ASB7: variants seen among roughly 807,000 people sequenced by gnomAD.
The protein encoded by ASB7 is ankyrin repeat and SOCS box containing 7.
In ASB7, 4 loss-of-function variants were observed where a neutral mutation model predicts 32.5. The observed-to-expected ratio is 0.12, with a 90% CI of 0.06 to 0.28. The LOEUF is 0.28. Ranked by LOEUF, ASB7 falls within the 10% of genes least tolerant of loss-of-function variation. ASB7 has a pLI of 1.00. For synonymous variants in ASB7, 172 were observed against 155.6 expected (o/e 1.11, Z -0.78); for missense variants, 181 against 407.1 (o/e 0.44, Z 4.78).
In ASB7 at chr15:100,602,879, C is replaced by T. The variant is rs2039565629; in HGVS notation, c.-440C>T. ...GCTGCCCGGCGGCCGGGATCGCCAC[C>T]TCCTGCCTTCTCGGCTGTTCGGATG... is the stretch of plus-strand genomic sequence containing the variant. On this transcript the variant is annotated 5_prime_UTR_variant, in exon 1 of 6. Coordinates refer to ENST00000332783, the MANE Select transcript of ASB7 (RefSeq NM_198243.3). The T allele has an allele frequency of 5.0e-6, 2 of 397,400 alleles. No individual in the cohort carries two copies. The highest frequency in any genetic ancestry group is 4.4e-6 in the Non-Finnish European group (1 of 225,660). 24.6% of individuals were successfully genotyped at this position (397,400 alleles called of 1,614,324 possible).
intron 3 of ASB7, 121 bp downstream of exon 3, chr15:100,609,949 GGTTT>G (rs1032278589): frequency 6.6e-6 from 1 of 152,132 alleles, no homozygotes; most frequent in Non-Finnish European, 1.5e-5. Context: ...AGAAAACCCA[GGTTT>G]GTTTTGATAT....
chr15:100,627,660 T>A (rs1431386781), intron 4 of ASB7, among the ~76,000 whole-genome samples: 1 of 152,200 alleles, frequency 6.6e-6, no homozygotes, highest in Non-Finnish European at 1.5e-5. Flanking sequence ...TTTTGTAACA[T>A]AATTTTAATT....
At chr15:100,630,210 T>A in intron 5 of ASB7, 168 bp downstream of exon 5, 1 of 1,324,110 alleles carries the variant, frequency 7.6e-7, no homozygotes, top group South Asian at 1.9e-5. Context: ...TTTGACTGTA[T>A]CACAAGATTT....
chr15:100,623,912 T>C (rs1293529079), intron 4 of ASB7, among the ~76,000 whole-genome samples: 1 of 152,232 alleles, frequency 6.6e-6, no homozygotes, highest in Non-Finnish European at 1.5e-5. Flanking sequence ...ACAGCACTAT[T>C]CACAATAGCA....
chr15:100,651,210 T>G lies in ASB7; in HGVS notation c.*2748T>G, dbSNP rs1375208470. 2 of 150,754 alleles carry G rather than the reference T, an allele frequency of 1.3e-5. No homozygotes were observed. The highest frequency in any genetic ancestry group is 2.5e-5 in the African/African-American group (1 of 40,598). The allele number at this position is 150,754 out of a possible 1,614,324, so 9.3% of individuals were successfully genotyped here. ...ACAAGGTTTTGTGTTTTTTTTTTTT[T>G]GTAAATATTTGTGTTTATAAATGTA... On this transcript the variant is annotated 3_prime_UTR_variant, in exon 6 of 6. Coordinates refer to ENST00000332783, the MANE Select transcript of ASB7 (RefSeq NM_198243.3).
chr15:100,639,437 CT>C (rs201600289), intron 5 of ASB7, among the ~76,000 whole-genome samples: 1 of 151,292 alleles, frequency 6.6e-6, no homozygotes, highest in Non-Finnish European at 1.5e-5. Flanking sequence ...ATCACGACTC[CT>C]TTTTTTTTAA....
chr15:100,616,474 T>C (rs1270297978), intron 4 of ASB7, among the ~76,000 whole-genome samples: 1 of 152,208 alleles, frequency 6.6e-6, no homozygotes, highest in Non-Finnish European at 1.5e-5. Flanking sequence ...TTATGGTATT[T>C]AGCTTTTTAA....
chr15:100,645,714 T>G, intron 5 of ASB7: 2 of 1,575,836 alleles, frequency 1.3e-6, no homozygotes, highest in Non-Finnish European at 1.7e-6. Context: ...TCCCACAGTC[T>G]GATATGCCTA....
intron 4 of ASB7, among the ~76,000 whole-genome samples, chr15:100,613,337 G>A (rs1027967085): frequency 7.9e-5 from 12 of 152,242 alleles, no homozygotes; most frequent in African/African-American, 2.7e-4. Context: ...GAATTCTTAT[G>A]AGGGTCATGT....
chr15:100,643,426 T>C (rs2039974337), intron 5 of ASB7, among the ~76,000 whole-genome samples: 1 of 149,208 alleles, frequency 6.7e-6, no homozygotes, highest in Non-Finnish European at 1.5e-5. Context: ...ACAAAACAAA[T>C]CCATATCAGC....
At position 100,629,507 on chromosome 15, in the gene ASB7, C is replaced by T. The variant is rs573539531; in HGVS notation, c.282C>T (p.Ala94=). The part of the protein sequence containing the change: ...ALHYAAMHGR[A]RIARLMLESE... ...ACTATGCAGCCATGCATGGCCGGGCCCGCATTGCACGCTTGATGTTAGAAT... is the reference window on the plus strand; with the variant it reads ...ACTATGCAGCCATGCATGGCCGGGCTCGCATTGCACGCTTGATGTTAGAAT... Residue 94 remains alanine (A), a synonymous_variant, in exon 5 of 6, where the codon GCC becomes GCT. Transcript: ENST00000332783. The surrounding 1 kb of genome is among the most constrained non-coding windows in gnomAD (Gnocchi z 6.8). 6.2e-7 allele frequency: 1 copy of T among 1,613,928 alleles called. No individual in the cohort carries two copies. The highest frequency in any genetic ancestry group is 1.3e-5 in the African/African-American group (1 of 75,036).
Position 100,612,276 on chromosome 15 carries a change from C to G in ASB7, c.60C>G (p.Ala20=), listed in dbSNP as rs898603926. 9 of 1,614,010 alleles carry G rather than the reference C, an allele frequency of 5.6e-6. No homozygotes were observed. The highest frequency in any genetic ancestry group is 3.3e-5 in the Admixed American group (2 of 60,006). Reference sequence around the variant, plus strand: ...TCCAGGAAGAGTTGCAGATTCAGGCCGCGGTGGCTGCTGGGGATGTCCACA... The same window carrying G: ...TCCAGGAAGAGTTGCAGATTCAGGCGGCGGTGGCTGCTGGGGATGTCCACA... The part of the protein sequence containing the change: ...PELQEELQIQ[A]AVAAGDVHTV... The change falls in exon 4 of 6, where the codon GCC becomes GCG. Residue 20 remains alanine (A), a synonymous_variant. Coordinates refer to ENST00000332783, the MANE Select transcript of ASB7 (RefSeq NM_198243.3).
chr15:100,627,803 G>A (rs143524544), intron 4 of ASB7, among the ~76,000 whole-genome samples: 2 of 152,336 alleles, frequency 1.3e-5, no homozygotes, highest in East Asian at 3.9e-4. Flanking sequence ...GACTGGCCAG[G>A]TATAGATTAG....
chr15:100,611,497 T>TTTTTTTTTTTTTTTTTTTTG (rs2039695381), intron 3 of ASB7, among the ~76,000 whole-genome samples: 1 of 141,536 alleles, frequency 7.1e-6, no homozygotes, highest in African/African-American at 2.6e-5. Flanking sequence ...TTTTTTTTTT[T>TTTTTTTTTTTTTTTTTTTTG]GAGACAGAAT....
At chr15:100,608,062 G>C (rs953356691) in intron 2 of ASB7, among the ~76,000 whole-genome samples, 4 of 152,186 alleles carry the variant, frequency 2.6e-5, no homozygotes, top group African/African-American at 4.8e-5. Flanking sequence ...CTTCTTATGG[G>C]AAGTAAGGGG....
At chr15:100,635,896 C>T (rs2039919368) in intron 5 of ASB7, among the ~76,000 whole-genome samples, 1 of 152,174 alleles carries the variant, frequency 6.6e-6, no homozygotes, top group Non-Finnish European at 1.5e-5. Context: ...GGGGCTCGGG[C>T]CTTTGTCATG....
intron 4 of ASB7, among the ~76,000 whole-genome samples, chr15:100,615,139 CCGT>C (rs1399075943): frequency 6.6e-6 from 1 of 152,130 alleles, no homozygotes; most frequent in African/African-American, 2.4e-5. Flanking sequence ...GTACGCTGTG[CCGT>C]CTAGGTTTGT....
chr15:100,633,930 A>T (rs541840198), intron 5 of ASB7, among the ~76,000 whole-genome samples: 1 of 152,346 alleles, frequency 6.6e-6, no homozygotes, highest in Non-Finnish European at 1.5e-5. Context: ...AGGCTCTGGC[A>T]TGTGGGCATT....
At chr15:100,617,847 A>G (rs1597001307) in intron 4 of ASB7, among the ~76,000 whole-genome samples, 3 of 152,346 alleles carry the variant, frequency 2.0e-5, no homozygotes, top group South Asian at 2.1e-4. Flanking sequence ...CCAGTTATCT[A>G]AAGTAATTGT....
Sources: allele counts gnomAD v4.1 joint callset (sites outside exome capture counted in the v4.1 genomes callset), GRCh38; gene constraint gnomAD v4.1.1; non-coding constraint Gnocchi (gnomAD v3.1); transcripts MANE v1.5; gene names NCBI Gene and HGNC (gene_info 2026-07-23, HGNC 2026-07-21).